CACNA2D3: variants seen among roughly 807,000 people sequenced by gnomAD.
CACNA2D3 encodes calcium voltage-gated channel auxiliary subunit alpha2delta 3, also known as voltage-dependent calcium channel subunit alpha-2/delta-3.
A neutral mutation model predicts 160.6 loss-of-function variants in CACNA2D3; 60 were observed. The ratio of observed to expected loss-of-function variants is 0.37; its 90% CI spans 0.30 to 0.46. CACNA2D3 has a LOEUF of 0.46. CACNA2D3 is among the 20% of genes least tolerant of loss of function. CACNA2D3 has a pLI of 1.00. For synonymous variants in CACNA2D3, 558 were observed against 492.9 expected (o/e 1.13, Z -1.75); for missense variants, 1,205 against 1,365.0 (o/e 0.88, Z 1.85).
chr3:54,591,572 T>G (rs959592912), intron 9 of CACNA2D3, among the ~76,000 whole-genome samples: 7 of 150,596 alleles, frequency 4.6e-5, no homozygotes, highest in African/African-American at 7.3e-5. Context: ...AAAAAGTTTT[T>G]TTTTTTTTTT....
At chr3:55,066,899 T>C (rs1002553121) in intron 35 of CACNA2D3, among the ~76,000 whole-genome samples, 3 of 152,172 alleles carry the variant, frequency 2.0e-5, no homozygotes, top group African/African-American at 4.8e-5. Context: ...GACTATGATG[T>C]CAGCCTGGCT....
At chr3:54,689,552 C>T (rs186328240) in intron 11 of CACNA2D3, among the ~76,000 whole-genome samples, 106 of 152,242 alleles carry the variant, frequency 7.0e-4, no homozygotes, top group Non-Finnish European at 7.9e-4. Context: ...TCAACTACCT[C>T]CCCAACTGGT....
chr3:54,882,117 G>A (rs942774879), intron 21 of CACNA2D3, among the ~76,000 whole-genome samples: 3 of 152,214 alleles, frequency 2.0e-5, no homozygotes, highest in Non-Finnish European at 4.4e-5. Flanking sequence ...TCTGTGACTT[G>A]AGCAAGACAC....
At chr3:54,130,688 A>C (rs372486069) in intron 2 of CACNA2D3, among the ~76,000 whole-genome samples, 274 of 152,352 alleles carry the variant, frequency 1.8e-3, no homozygotes, top group African/African-American at 6.1e-3. Flanking sequence ...ATCTGGCCAC[A>C]GTGCTATATT....
chr3:54,631,392 G>T (rs567189745), intron 10 of CACNA2D3, among the ~76,000 whole-genome samples: 1 of 152,270 alleles, frequency 6.6e-6, no homozygotes, highest in African/African-American at 2.4e-5. Flanking sequence ...CACAGAGGTG[G>T]TTAATCTCCC....
intron 27 of CACNA2D3, among the ~76,000 whole-genome samples, chr3:54,927,239 T>C (rs1051486083): frequency 2.0e-5 from 3 of 152,156 alleles, no homozygotes; most frequent in African/African-American, 7.2e-5. Context: ...CTAACAGTGC[T>C]CTAGGGCAAT....
At chr3:54,316,333 G>T (rs893933996) in intron 2 of CACNA2D3, among the ~76,000 whole-genome samples, 2 of 152,098 alleles carry the variant, frequency 1.3e-5, no homozygotes, top group Non-Finnish European at 2.9e-5. Flanking sequence ...GCTTTTGATT[G>T]ATTAATGACT....
chr3:54,478,660 G>GTGTATATATATATATATTGATA, intron 4 of CACNA2D3, among the ~76,000 whole-genome samples: 1 of 36,376 alleles, frequency 2.7e-5, no homozygotes, highest in Non-Finnish European at 6.2e-5. Flanking sequence ...ATATGTGTGT[G>GTGTATATATATATATATTGATA]TATATATATA....
At chr3:54,206,765 G>A (rs889529337) in intron 2 of CACNA2D3, among the ~76,000 whole-genome samples, 2 of 152,044 alleles carry the variant, frequency 1.3e-5, no homozygotes, top group African/African-American at 4.8e-5. Flanking sequence ...TTAGGGATTT[G>A]GCTACTTCTG....
chr3:54,377,186 C>T (rs954807062), intron 3 of CACNA2D3, among the ~76,000 whole-genome samples: 1 of 152,226 alleles, frequency 6.6e-6, no homozygotes, highest in South Asian at 2.1e-4. Context: ...ATCAGTCAAA[C>T]CCTTCCATAA....
intron 4 of CACNA2D3, among the ~76,000 whole-genome samples, chr3:54,478,679 T>TATATATATATATATATATATATATATATA (rs1559493334): frequency 4.2e-5 from 2 of 47,792 alleles, no homozygotes; most frequent in East Asian, 4.7e-4. Flanking sequence ...TATATATATA[T>TATATATATATATATATATATATATATATA]TGCTTGTCAT....
chr3:54,898,171 CTT>C (rs1480620204), intron 26 of CACNA2D3, among the ~76,000 whole-genome samples: 56 of 97,970 alleles, frequency 5.7e-4, no homozygotes, highest in African/African-American at 1.9e-3. Flanking sequence ...TCTTTCTTTT[CTT>C]TTCTTTTCTT....
intron 11 of CACNA2D3, among the ~76,000 whole-genome samples, chr3:54,707,544 T>C (rs1008754420): frequency 3.9e-5 from 6 of 152,194 alleles, no homozygotes; most frequent in African/African-American, 1.4e-4. Context: ...TGGTTTCAGA[T>C]TGACATTGGT....
At chr3:54,720,812 C>T (rs893597591) in intron 11 of CACNA2D3, among the ~76,000 whole-genome samples, 10 of 151,976 alleles carry the variant, frequency 6.6e-5, no homozygotes, top group Non-Finnish European at 1.3e-4. Flanking sequence ...ATTTTCCTGT[C>T]GAATCAGCTC....
intron 3 of CACNA2D3, among the ~76,000 whole-genome samples, chr3:54,383,798 C>T (rs1047319395): frequency 1.3e-5 from 2 of 152,170 alleles, no homozygotes; most frequent in African/African-American, 4.8e-5. Context: ...GCACAGAATG[C>T]AGTGTTCTGG....
intron 27 of CACNA2D3, among the ~76,000 whole-genome samples, chr3:54,950,548 T>C (rs1701732766): frequency 6.6e-6 from 1 of 152,198 alleles, no homozygotes; most frequent in Non-Finnish European, 1.5e-5. Flanking sequence ...CTTCCTCCTG[T>C]TTCCCAGCCT....
rs550267633 is a variant in CACNA2D3 at position 54,303,554 on chromosome 3, G to A, written c.205-16888G>A. Among the ~76,000 whole-genome samples, 12 of 152,292 alleles carry A rather than the reference G, an allele frequency of 7.9e-5. No individual in the cohort carries two copies. In the East Asian group the frequency reaches 2.3e-3, roughly 29 times the overall value. ...GCACTGTGCTATGAAATGTATGACTGGAGTCTGTGAGTTTGGTGGCCTTTC... is the reference window on the plus strand; with the variant it reads ...GCACTGTGCTATGAAATGTATGACTAGAGTCTGTGAGTTTGGTGGCCTTTC... On this transcript the variant is annotated intron_variant, in intron 2 of 37. Transcript: ENST00000474759.
intron 29 of CACNA2D3, among the ~76,000 whole-genome samples, chr3:54,973,611 G>C (rs755594077): frequency 1.3e-5 from 2 of 152,108 alleles, no homozygotes; most frequent in Admixed American, 6.5e-5. Flanking sequence ...AACGAGAAGG[G>C]CTGCCTCCAG....
intron 35 of CACNA2D3, among the ~76,000 whole-genome samples, chr3:55,019,643 G>C (rs1041332379): frequency 3.3e-5 from 5 of 152,236 alleles, no homozygotes; most frequent in Middle Eastern, 6.8e-3. Flanking sequence ...TGCTCTTTGA[G>C]ATCGACTTGT....
Sources: gnomAD v4.1 joint callset for allele counts (sites outside exome capture counted in the v4.1 genomes callset) on GRCh38, gnomAD v4.1.1 for gene constraint, MANE v1.5 for transcripts, NCBI Gene and HGNC (gene_info 2026-07-23, HGNC 2026-07-21) for gene names.